Variants in RORA observed in about 807,000 individuals in gnomAD.
The protein encoded by RORA is RAR related orphan receptor A.
In RORA, 7 loss-of-function variants were observed where a neutral mutation model predicts 69.5. That is an observed-to-expected ratio of 0.10 (90% CI 0.06 to 0.19). The LOEUF is 0.19. RORA is among the 10% of genes least tolerant of loss of function. The pLI is 1.00. For missense variants in RORA, 457 were observed against 663.0 expected (o/e 0.69, Z 3.41); for synonymous variants, 261 against 240.8 (o/e 1.08, Z -0.78).
intron 2 of RORA, among the ~76,000 whole-genome samples, chr15:60,655,140 T>C (rs1414886197): frequency 6.6e-6 from 1 of 152,192 alleles, no homozygotes; most frequent in East Asian, 1.9e-4. Context: ...GAGAATGGAA[T>C]GTACCAAATT....
chr15:60,928,334 T>C (rs1323806402), intron 1 of RORA, among the ~76,000 whole-genome samples: 2 of 152,196 alleles, frequency 1.3e-5, no homozygotes, highest in African/African-American at 4.8e-5. Context: ...CAAGGGACTA[T>C]CCTGTAACTA....
intron 1 of RORA, among the ~76,000 whole-genome samples, chr15:61,135,578 C>CAA (rs11453914): frequency 0.15 from 16,501 of 111,958 alleles, 1,631 homozygotes; most frequent in Non-Finnish European, 0.19. Context: ...ATTTCCACAT[C>CAA]AAAAAAAAAA....
At chr15:60,877,021 G>C (rs1218406941) in intron 1 of RORA, among the ~76,000 whole-genome samples, 1 of 151,984 alleles carries the variant, frequency 6.6e-6, no homozygotes. Context: ...TTAATACTTG[G>C]GTGATGAAAT....
chr15:60,736,637 C>T (rs541540343), intron 1 of RORA: 6 of 152,332 alleles, frequency 3.9e-5, no homozygotes, highest in African/African-American at 1.4e-4. Flanking sequence ...TGTGTGGCCC[C>T]TGTCTACCAT....
intron 1 of RORA, among the ~76,000 whole-genome samples, chr15:60,733,355 A>T (rs540493193): frequency 2.1e-4 from 32 of 152,282 alleles, no homozygotes; most frequent in Non-Finnish European, 4.0e-4. Context: ...CTTACTTATG[A>T]GTATGACCAG....
chr15:61,122,172 G>A (rs1267112710), intron 1 of RORA, among the ~76,000 whole-genome samples: 1 of 152,166 alleles, frequency 6.6e-6, no homozygotes, highest in African/African-American at 2.4e-5. Flanking sequence ...TCTTTCTTAA[G>A]CCAGGCTCTG....
chr15:61,115,149 T>C (rs945569746), intron 1 of RORA, among the ~76,000 whole-genome samples: 5 of 152,046 alleles, frequency 3.3e-5, no homozygotes, highest in South Asian at 2.1e-4. Context: ...GAGTCTTGGG[T>C]CTGGTCCAGT....
intron 1 of RORA, among the ~76,000 whole-genome samples, chr15:60,709,701 C>T (rs1239320822): frequency 6.6e-6 from 1 of 151,506 alleles, no homozygotes; most frequent in East Asian, 1.9e-4. Flanking sequence ...CATCTAGTTG[C>T]AGGAAAACAA....
intron 1 of RORA, among the ~76,000 whole-genome samples, chr15:60,856,109 C>T (rs947715724): frequency 7.9e-5 from 12 of 152,156 alleles, no homozygotes; most frequent in African/African-American, 2.7e-4. Context: ...CTGATCCATC[C>T]TCAACAACCA....
chr15:60,562,418 T>G (rs2067590390), intron 2 of RORA, among the ~76,000 whole-genome samples: 1 of 146,478 alleles, frequency 6.8e-6, no homozygotes, highest in Non-Finnish European at 1.5e-5. Flanking sequence ...ACATTTTTTT[T>G]TTGAGGCGGG....
At chr15:60,626,148 T>G (rs1226579754) in intron 2 of RORA, among the ~76,000 whole-genome samples, 2 of 152,182 alleles carry the variant, frequency 1.3e-5, no homozygotes, top group African/African-American at 4.8e-5. Flanking sequence ...TTCCCCACAG[T>G]TCAACCCAGG....
chr15:60,597,560 ATATATATATATAT>A (rs1237490466), intron 2 of RORA, among the ~76,000 whole-genome samples: 25 of 33,674 alleles, frequency 7.4e-4, no homozygotes, highest in African/African-American at 3.6e-3. Flanking sequence ...ACATATATAT[ATATATATATATAT>A]ACACATATAT....
intron 2 of RORA, among the ~76,000 whole-genome samples, chr15:60,635,717 T>G (rs73424082): frequency 0.014 from 2,098 of 152,254 alleles, 46 homozygotes; most frequent in African/African-American, 0.047. Flanking sequence ...ATCAGAGACT[T>G]GGGCCCTCCA....
chr15:60,743,737 C>T lies in RORA; in HGVS notation c.167-65051G>A, dbSNP rs571583928. Reference sequence around the variant, plus strand: ...GCCCAAATTTAGTGGGAGGCTCTGCCGCCACATCTTATGTGCTGCTGGGCT... The same window carrying T: ...GCCCAAATTTAGTGGGAGGCTCTGCTGCCACATCTTATGTGCTGCTGGGCT... On this transcript the variant is annotated intron_variant, in intron 1 of 10. Coordinates refer to ENST00000335670, the MANE Select transcript of RORA (RefSeq NM_134261.3). Among the ~76,000 whole-genome samples the T allele has an allele frequency of 3.9e-5, 6 of 152,278 alleles. No individual in the cohort carries two copies. In the South Asian group the frequency reaches 6.2e-4, roughly 16 times the overall value.
intron 1 of RORA, among the ~76,000 whole-genome samples, chr15:61,215,179 G>C (rs891203356): frequency 6.6e-6 from 1 of 151,650 alleles, no homozygotes; most frequent in African/African-American, 2.4e-5. Flanking sequence ...CACCGCGCCT[G>C]GCCCTTCTTG....
chr15:60,654,974 G>A (rs533738006), intron 2 of RORA, among the ~76,000 whole-genome samples: 3 of 152,218 alleles, frequency 2.0e-5, no homozygotes, highest in African/African-American at 4.8e-5. Flanking sequence ...TTTAAGTCCC[G>A]AGTTTGTGGT....
At chr15:61,035,533 A>G (rs1385003048) in intron 1 of RORA, among the ~76,000 whole-genome samples, 1 of 152,046 alleles carries the variant, frequency 6.6e-6, no homozygotes, top group Non-Finnish European at 1.5e-5. Flanking sequence ...TAATGGGAGC[A>G]CTCCTGGACT....
intron 2 of RORA, chr15:60,592,915 T>G (rs753022662): frequency 4.6e-5 from 21 of 455,794 alleles, no homozygotes; most frequent in African/African-American, 4.0e-4. Flanking sequence ...GACGCCACTC[T>G]CCCGCTGGCT....
intron 1 of RORA, among the ~76,000 whole-genome samples, chr15:61,003,379 A>G (rs1002209929): frequency 6.6e-6 from 1 of 152,166 alleles, no homozygotes; most frequent in Admixed American, 6.6e-5. Flanking sequence ...ACACACACAT[A>G]TACACACACA....
Sources: gnomAD v4.1 joint callset for allele counts (sites outside exome capture counted in the v4.1 genomes callset) on GRCh38, gnomAD v4.1.1 for gene constraint, MANE v1.5 for transcripts, NCBI Gene and HGNC (gene_info 2026-07-23, HGNC 2026-07-21) for gene names.